DYRK3: variants seen among roughly 807,000 people sequenced by gnomAD.
DYRK3 encodes the protein dual specificity tyrosine phosphorylation regulated kinase 3, also known as dual specificity tyrosine-phosphorylation-regulated kinase 3.
In DYRK3, 30 loss-of-function variants were observed where a neutral mutation model predicts 40.8. The ratio of observed to expected loss-of-function variants is 0.74; its 90% CI spans 0.55 to 1.00. The LOEUF is 1.00. DYRK3 is among the 50% of genes least tolerant of loss of function. The pLI is 0.00. For missense variants in DYRK3, 699 were observed against 731.5 expected (o/e 0.96, Z 0.51); for synonymous variants, 272 against 260.7 (o/e 1.04, Z -0.42).
At position 206,648,177 on chromosome 1, in the gene DYRK3, C is replaced by T; in HGVS notation, c.979C>T (p.His327Tyr). The change falls in exon 3 of 3, where the codon CAC becomes TAC. Residue 327 changes from histidine (H) to tyrosine (Y), a missense_variant. Physicochemically the swap from His to Tyr is moderately conservative, Grantham distance 83. Coordinates refer to ENST00000367109, the MANE Select transcript of DYRK3 (RefSeq NM_003582.4). ...QSILQSLDALHKNKIIHCDLK... is the reference protein window; with the variant it reads ...QSILQSLDALYKNKIIHCDLK... Reference sequence around the variant, plus strand: ...CATCTTGCAATCTTTGGATGCCCTCCACAAAAATAAGATTATTCACTGCGA... The same window carrying T: ...CATCTTGCAATCTTTGGATGCCCTCTACAAAAATAAGATTATTCACTGCGA... 6.2e-7 allele frequency: 1 copy of T among 1,614,130 alleles called. No individual in the cohort carries two copies. The highest frequency in any genetic ancestry group is 2.2e-5 in the East Asian group (1 of 44,880).
rs941526389 is a variant in DYRK3 at position 206,635,629 on chromosome 1, C to T, written c.-75C>T. 7 of 1,238,660 alleles carry T rather than the reference C, an allele frequency of 5.7e-6. No homozygotes were observed. Among genetic ancestry groups the T allele is most frequent in the African/African-American group, 3.1e-5 (2 of 64,534 alleles). The allele number at this position is 1,238,660 out of a possible 1,614,324, so 76.7% of individuals were successfully genotyped here. On this transcript the variant is annotated 5_prime_UTR_variant, in exon 1 of 3. Transcript: ENST00000367109. ...GGGAGCGTCGCGCCGCGGAGGCAGCCGTCCCGGCGTAGGTGGCGTGGCCGA... is the reference window on the plus strand; with the variant it reads ...GGGAGCGTCGCGCCGCGGAGGCAGCTGTCCCGGCGTAGGTGGCGTGGCCGA...
rs149139633 is a variant in DYRK3, at chr1:206,646,238, A to G, written c.190-1150A>G. Among the ~76,000 whole-genome samples, 542 of 152,342 alleles carry G rather than the reference A, an allele frequency of 3.6e-3. 3 individuals are homozygous for G. Among genetic ancestry groups the G allele is most frequent in the South Asian group, 0.011 (52 of 4,832 alleles). On this transcript the variant is annotated intron_variant, in intron 2 of 2. Coordinates refer to ENST00000367109, the MANE Select transcript of DYRK3 (RefSeq NM_003582.4). ...ACAGTCAAGCCAATTAAATGTATCT[A>G]TCATCTCACATAGTTACCCTTTTTT...
At chr1:206,636,581 G>GT (rs1298379852) in intron 1 of DYRK3, among the ~76,000 whole-genome samples, 1 of 152,020 alleles carries the variant, frequency 6.6e-6, no homozygotes, top group African/African-American at 2.4e-5. Context: ...ATTTGTAGCG[G>GT]TTTTTTTCCC....
chr1:206,635,994 A>G (rs1209965220), intron 1 of DYRK3: 2 of 1,399,198 alleles, frequency 1.4e-6, no homozygotes, highest in Non-Finnish European at 1.9e-6. Flanking sequence ...ACGGGGCTAG[A>G]GCGGAGTTAG....
rs1403271332 is a variant in DYRK3, at chr1:206,651,475, A to C, written c.*2510A>C. ...CTCTGCCAACTCCAGGAAGTAGTAC[A>C]GCATGATTGAATCCTTCTTCAGTGA... On this transcript the variant is annotated 3_prime_UTR_variant, in exon 3 of 3. Coordinates refer to ENST00000367109, the MANE Select transcript of DYRK3 (RefSeq NM_003582.4). 6.6e-6 allele frequency among the ~76,000 whole-genome samples: 1 copy of C among 152,242 alleles called. No homozygotes were observed. Among genetic ancestry groups the C allele is most frequent in the Non-Finnish European group, 1.5e-5 (1 of 68,040 alleles).
At chr1:206,637,821 T>A in intron 2 of DYRK3, 60 bp downstream of exon 2, 1 of 1,365,792 alleles carries the variant, frequency 7.3e-7, no homozygotes, top group Non-Finnish European at 1.0e-6. Context: ...AAGTGCTACT[T>A]AATGCTCAAG....
At position 206,648,681 on chromosome 1, in the gene DYRK3, T is replaced by C; in HGVS notation, c.1483T>C (p.Phe495Leu). 6.2e-7 allele frequency: 1 copy of C among 1,613,902 alleles called. No homozygotes were observed. The highest frequency in any genetic ancestry group is 8.5e-7 in the Non-Finnish European group (1 of 1,179,918). Residue 495 changes from phenylalanine to leucine, a missense_variant, in exon 3 of 3, where the codon TTT becomes CTT. Coordinates refer to ENST00000367109, the MANE Select transcript of DYRK3 (RefSeq NM_003582.4). ...TALKGCDDYL[F>L]IEFLKRCLHW... ...ACTGAAAGGGTGTGATGACTACTTGTTTATAGAGTTCTTGAAAAGGTGTCT... is the reference window on the plus strand; with the variant it reads ...ACTGAAAGGGTGTGATGACTACTTGCTTATAGAGTTCTTGAAAAGGTGTCT...
chr1:206,646,090 T>G (rs1671442835), intron 2 of DYRK3, among the ~76,000 whole-genome samples: 1 of 152,198 alleles, frequency 6.6e-6, no homozygotes, highest in South Asian at 2.1e-4. Flanking sequence ...CCTCAAGTGA[T>G]CCACCTGCCT....
At chr1:206,640,398 A>G (rs189017226) in intron 2 of DYRK3, among the ~76,000 whole-genome samples, 72 of 152,218 alleles carry the variant, frequency 4.7e-4, no homozygotes, top group African/African-American at 1.6e-3. Flanking sequence ...CTACATTCTC[A>G]TGGTAAACTA....
At chr1:206,645,162 AT>A (rs1426248951) in intron 2 of DYRK3, among the ~76,000 whole-genome samples, 3 of 152,026 alleles carry the variant, frequency 2.0e-5, no homozygotes, top group Non-Finnish European at 4.4e-5. Context: ...GTTTTTTAAT[AT>A]TGTTTTTTGT....
At chr1:206,645,605 C>T (rs1157657221) in intron 2 of DYRK3, among the ~76,000 whole-genome samples, 1 of 151,948 alleles carries the variant, frequency 6.6e-6, no homozygotes, top group Non-Finnish European at 1.5e-5. Flanking sequence ...CCTCCACTTC[C>T]CAGGTTCAAG....
chr1:206,653,617 C>G lies in DYRK3; in HGVS notation c.*4652C>G, dbSNP rs1198169210. ...TGACCCACACAATCTCTGATGTCTT[C>G]TTTTTGGGAAAGGGTAATGAGATAA... On this transcript the variant is annotated 3_prime_UTR_variant, in exon 3 of 3. Coordinates refer to ENST00000367109, the MANE Select transcript of DYRK3 (RefSeq NM_003582.4). Among the ~76,000 whole-genome samples the G allele has an allele frequency of 6.6e-6, 1 of 152,086 alleles. No homozygotes were observed. Among genetic ancestry groups the G allele is most frequent in the Non-Finnish European group, 1.5e-5 (1 of 68,018 alleles).
intron 1 of DYRK3, chr1:206,636,952 A>C: frequency 6.2e-7 from 1 of 1,611,376 alleles, no homozygotes; most frequent in South Asian, 1.1e-5. Context: ...CCACCAGAAA[A>C]TGAAGTGGAA....
At position 206,648,008 on chromosome 1, in the gene DYRK3, C is replaced by T. The variant is rs186754669; in HGVS notation, c.810C>T (p.Asn270=). ...AACAGGATAAAACTGGTAGTATGAA[C>T]GTTATCCACATGCTGGAAAGTTTCA... ...LKKQDKTGSM[N]VIHMLESFTF... is the part of the protein sequence containing the mutation. The change falls in exon 3 of 3, where the codon AAC becomes AAT. Residue 270 remains asparagine (N), a synonymous_variant. Transcript: ENST00000367109. 93 of 1,614,082 alleles carry T rather than the reference C, an allele frequency of 5.8e-5. No homozygotes were observed. In the East Asian group the frequency reaches 1.7e-3, roughly 30 times the overall value.
In DYRK3 at chr1:206,648,136, G is replaced by T. The variant is rs17851298; in HGVS notation, c.938G>T (p.Arg313Leu). Residue 313 changes from arginine (R) to leucine (L), a missense_variant, in exon 3 of 3, where the codon CGC becomes CTC. Physicochemically the swap from Arg to Leu is moderately radical, Grantham distance 102 (BLOSUM62 -2). Transcript: ENST00000367109. Reference sequence around the variant, plus strand: ...CAGGGTTTTAGCGTCCAGTTGGTACGCAAGTTTGCCCAGTCCATCTTGCAA... The same window carrying T: ...CAGGGTTTTAGCGTCCAGTTGGTACTCAAGTTTGCCCAGTCCATCTTGCAA... ...KFQGFSVQLVRKFAQSILQSL... is the reference protein window; with the variant it reads ...KFQGFSVQLVLKFAQSILQSL... 1.7e-5 allele frequency: 28 copies of T among 1,613,992 alleles called. No individual in the cohort carries two copies. In the East Asian group the frequency reaches 6.0e-4, roughly 35 times the overall value.
rs782522977 is a variant in DYRK3, at chr1:206,648,593, G to C, written c.1395G>C (p.Val465=). The change falls in exon 3 of 3, where the codon GTG becomes GTC. Residue 465 remains valine (V), a synonymous_variant. Coordinates refer to ENST00000367109, the MANE Select transcript of DYRK3 (RefSeq NM_003582.4). ...AGGCAGATGGGAGGGTTGTGCTTGT[G>C]GGGGGTCGCTCACGTAGGGGTAAAA... is the stretch of plus-strand genomic sequence containing the variant. The part of the protein sequence containing the change: ...TTQADGRVVL[V]GGRSRRGKKR... 1.2e-5 allele frequency: 19 copies of C among 1,613,896 alleles called. No homozygotes were observed. Among genetic ancestry groups the C allele is most frequent in the East Asian group, 2.2e-5 (1 of 44,898 alleles).
At chr1:206,640,493 TTTA>T in intron 2 of DYRK3, among the ~76,000 whole-genome samples, 1 of 152,214 alleles carries the variant, frequency 6.6e-6, no homozygotes, top group East Asian at 1.9e-4. Context: ...AAGGTAGGGT[TTTA>T]TATCTGAGTG....
Position 206,651,187 on chromosome 1 carries a change from CTTCTT to C in DYRK3, c.*2224_*2228del, listed in dbSNP as rs1369352850. On this transcript the variant is annotated 3_prime_UTR_variant, in exon 3 of 3. Transcript: ENST00000367109. ...AATGCTGCTCATAACCCATCCTCCT[CTTCTT>C]TATTCATCACTGCCTTCTTCAAGGG... Among the ~76,000 whole-genome samples the C allele has an allele frequency of 6.6e-6, 1 of 152,186 alleles. No individual in the cohort carries two copies. The highest frequency in any genetic ancestry group is 1.5e-5 in the Non-Finnish European group (1 of 68,044).
In DYRK3 at chr1:206,648,018, A is replaced by T. The variant is rs55766763; in HGVS notation, c.820A>T (p.Met274Leu). 6.8e-6 allele frequency: 11 copies of T among 1,614,194 alleles called. No individual in the cohort carries two copies. The East Asian group carries it at 2.5e-4, about 36-fold the overall frequency. The change falls in exon 3 of 3, where the codon ATG becomes TTG. Residue 274 changes from methionine to leucine, a missense_variant. Met to Leu is a conservative substitution (Grantham distance 15). Transcript: ENST00000367109. ...DKTGSMNVIH[M>L]LESFTFRNHV... is the part of the protein sequence containing the mutation. The stretch of plus-strand genomic sequence containing the variant: ...AACTGGTAGTATGAACGTTATCCAC[A>T]TGCTGGAAAGTTTCACATTCCGGAA...
Sources: allele counts gnomAD v4.1 joint callset (sites outside exome capture counted in the v4.1 genomes callset), GRCh38; gene constraint gnomAD v4.1.1; transcripts MANE v1.5; gene names NCBI Gene and HGNC (gene_info 2026-07-23, HGNC 2026-07-21).